Variants in TLE1 observed in about 807,000 individuals in gnomAD.
TLE1 encodes transducin-like enhancer protein 1.
TLE1 carries 21 observed loss-of-function variants against 89.8 expected under a neutral mutation model. That is an observed-to-expected ratio of 0.23 (90% CI 0.17 to 0.34). The LOEUF (loss-of-function observed/expected upper bound fraction) is 0.34. Among genes scored for constraint, TLE1 ranks in the 10% least tolerant of loss-of-function variants. The pLI is 1.00. For missense variants in TLE1, 795 were observed against 1,031.2 expected, an observed-to-expected ratio of 0.77 and a Z score of 3.14; for synonymous variants, 447 against 407.6, an observed-to-expected ratio of 1.10 and a Z score of -1.16.
intron 14 of TLE1, chr9:81,599,897 T>C (rs973303785): frequency 9.7e-6 from 5 of 514,704 alleles, no homozygotes; most frequent in Non-Finnish European, 1.8e-5. Flanking sequence ...TACACTCTAT[T>C]TTCATTTATT....
intron 6 of TLE1, among the ~76,000 whole-genome samples, chr9:81,644,617 A>C (rs1457159663): frequency 7.9e-5 from 12 of 152,160 alleles, no homozygotes; most frequent in Admixed American, 5.9e-4. Flanking sequence ...AGGGTGACAA[A>C]AATGTTCTAG....
intron 4 of TLE1, among the ~76,000 whole-genome samples, chr9:81,668,730 T>C (rs993206932): frequency 6.6e-6 from 1 of 152,184 alleles, no homozygotes; most frequent in African/African-American, 2.4e-5. Flanking sequence ...CATCCCTTTA[T>C]GCTCAGTCAT....
intron 4 of TLE1, among the ~76,000 whole-genome samples, chr9:81,680,766 ATCTTGATGACAGCTAC>A (rs1486557193): frequency 6.6e-6 from 1 of 152,154 alleles, no homozygotes; most frequent in African/African-American, 2.4e-5. Context: ...GACCACTCCA[ATCTTGATGACAGCTAC>A]CCTCTTTGTA....
chr9:81,673,571 T>C (rs955129384), intron 4 of TLE1, among the ~76,000 whole-genome samples: 2 of 152,138 alleles, frequency 1.3e-5, no homozygotes, highest in African/African-American at 4.8e-5. Flanking sequence ...CTGCATTTGG[T>C]AACTCACTTA....
At chr9:81,657,904 ATTTTTTTTTT>A (rs34624864) in intron 4 of TLE1, among the ~76,000 whole-genome samples, 1 of 134,014 alleles carries the variant, frequency 7.5e-6, no homozygotes, top group South Asian at 2.3e-4. Context: ...TACAGACATA[ATTTTTTTTTT>A]TTTTTTTTTT....
chr9:81,681,967 C>T (rs1331867219), intron 4 of TLE1, among the ~76,000 whole-genome samples: 1 of 152,114 alleles, frequency 6.6e-6, no homozygotes, highest in South Asian at 2.1e-4. Context: ...ACAGACAGGC[C>T]GGGTGTGGTA....
chr9:81,589,417 T>G (rs2777772), intron 16 of TLE1, among the ~76,000 whole-genome samples: 27,610 of 152,110 alleles, frequency 0.18, 2,985 homozygotes, highest in Middle Eastern at 0.31. Flanking sequence ...TCAATAGGCT[T>G]TACATGGCCC....
At chr9:81,676,298 G>C (rs1832900028) in intron 4 of TLE1, among the ~76,000 whole-genome samples, 1 of 152,150 alleles carries the variant, frequency 6.6e-6, no homozygotes, top group South Asian at 2.1e-4. Flanking sequence ...TCAGCTTCAA[G>C]CAGACTGCAA....
At chr9:81,683,281 CT>C (rs1833851753) in intron 4 of TLE1, among the ~76,000 whole-genome samples, 3 of 151,106 alleles carry the variant, frequency 2.0e-5, no homozygotes, top group South Asian at 2.1e-4. Flanking sequence ...TTTGTGTCCC[CT>C]GATGATGCCT....
At chr9:81,635,350 G>A (rs968642926) in intron 6 of TLE1, among the ~76,000 whole-genome samples, 6 of 152,106 alleles carry the variant, frequency 3.9e-5, no homozygotes, top group African/African-American at 1.4e-4. Context: ...CCAAGCCCCC[G>A]TTCCCAAATG....
chr9:81,665,531 C>A lies in TLE1; in HGVS notation c.235-11495G>T, dbSNP rs1042883516. On this transcript the variant is annotated intron_variant, in intron 4 of 19. Coordinates refer to ENST00000376499, the MANE Select transcript of TLE1 (RefSeq NM_005077.5). The stretch of plus-strand genomic sequence containing the variant: ...TAAAAGAAAGGAAGGAAAAAAAAAA[C>A]CGTGCTGAAGGCTGCTTGGGCACAG... Among the ~76,000 whole-genome samples the A allele has an allele frequency of 1.2e-3, 175 of 152,036 alleles. 1 individual carries two copies. Among genetic ancestry groups the A allele is most frequent in the Non-Finnish European group, 3.4e-4 (23 of 67,970 alleles).
chr9:81,592,924 T>A, intron 15 of TLE1, 101 bp downstream of exon 15: 1 of 1,468,270 alleles, frequency 6.8e-7, no homozygotes, highest in South Asian at 1.4e-5. Context: ...AAGGGGCTTC[T>A]ATTTCCTCAT....
Position 81,654,022 on chromosome 9 carries a change from C to G in TLE1, c.249G>C (p.Lys83Asn). The change falls in exon 5 of 20, where the codon AAG becomes AAC. Residue 83 changes from lysine to asparagine, a missense_variant. Coordinates refer to ENST00000376499, the MANE Select transcript of TLE1 (RefSeq NM_005077.5). ...CTTGTGCACAAATCGTATTCAATCT[C>G]TTGGCGATTTCAGTCTATAAAGACA... ...IEMHKQTEIAKRLNTICAQVI... is the reference protein window; with the variant it reads ...IEMHKQTEIANRLNTICAQVI... 6.2e-7 allele frequency: 1 copy of G among 1,613,964 alleles called. No homozygotes were observed. The highest frequency in any genetic ancestry group is 2.2e-5 in the East Asian group (1 of 44,856).
chr9:81,640,561 C>T (rs1192845852), intron 6 of TLE1, among the ~76,000 whole-genome samples: 2 of 152,100 alleles, frequency 1.3e-5, no homozygotes, highest in Non-Finnish European at 2.9e-5. Context: ...TTTGAATAGG[C>T]TGAGAGTGAG....
chr9:81,603,181 A>T (rs544111061), intron 14 of TLE1, among the ~76,000 whole-genome samples: 1 of 152,188 alleles, frequency 6.6e-6, no homozygotes, highest in Non-Finnish European at 1.5e-5. Context: ...TCTGCAGGGA[A>T]TCCCTGCTTG....
At chr9:81,634,054 A>C (rs773629395) in intron 7 of TLE1, 43 bp downstream of exon 7, 2 of 1,569,598 alleles carry the variant, frequency 1.3e-6, no homozygotes, top group Non-Finnish European at 1.7e-6. Context: ...GCACTGTAAG[A>C]GTATGAGGAC....
intron 6 of TLE1, among the ~76,000 whole-genome samples, chr9:81,645,915 G>GT (rs1379017190): frequency 1.3e-5 from 2 of 152,114 alleles, no homozygotes; most frequent in African/African-American, 2.4e-5. Context: ...ACACACAGGT[G>GT]TAACTCCTAT....
chr9:81,670,529 T>C (rs1255985504), intron 4 of TLE1, among the ~76,000 whole-genome samples: 1 of 152,064 alleles, frequency 6.6e-6, no homozygotes, highest in Non-Finnish European at 1.5e-5. Flanking sequence ...TTTCACCATA[T>C]TGGCCAGACT....
At chr9:81,598,726 T>TAG (rs1554721285) in intron 14 of TLE1, among the ~76,000 whole-genome samples, 2 of 152,118 alleles carry the variant, frequency 1.3e-5, no homozygotes, top group Admixed American at 1.3e-4. Context: ...AGCAGTTTCC[T>TAG]AAGGGGGAAA....
Sources: gnomAD v4.1 joint callset for allele counts (sites outside exome capture counted in the v4.1 genomes callset) on GRCh38, gnomAD v4.1.1 for gene constraint, MANE v1.5 for transcripts, NCBI Gene and HGNC (gene_info 2026-07-23, HGNC 2026-07-21) for gene names.